Variants in RIMS3 observed in about 807,000 individuals in gnomAD.
RIMS3 encodes regulating synaptic membrane exocytosis 3, also known as regulating synaptic membrane exocytosis protein 3.
In RIMS3, 15 loss-of-function variants were observed where a neutral mutation model predicts 29.2. The ratio of observed to expected loss-of-function variants is 0.51; its 90% confidence interval spans 0.34 to 0.79. RIMS3 has a LOEUF of 0.79. RIMS3 is among the 30% of genes least tolerant of loss of function. The pLI is 0.01. For missense variants in RIMS3, 342 were observed against 421.4 expected, an observed-to-expected ratio of 0.81 and a Z score of 1.65; for synonymous variants, 161 against 170.1, an observed-to-expected ratio of 0.95 and a Z score of 0.41.
chr1:40,667,184 C>T (rs770005117), upstream of RIMS3, among the ~76,000 whole-genome samples: 8 of 152,182 alleles, frequency 5.3e-5, no homozygotes, highest in Non-Finnish European at 1.2e-4. Context: ...TGTGAAAAGC[C>T]TCAAAGTGCG....
rs538397273 is a variant in RIMS3 at position 40,623,254 on chromosome 1, T to C, written c.*3263A>G. ...GTGGTAGAAGAAACCAGATGGGGAGTCATTTTGGAGATGATTCTTCCCTGA... is the reference window on the plus strand; with the variant it reads ...GTGGTAGAAGAAACCAGATGGGGAGCCATTTTGGAGATGATTCTTCCCTGA... On this transcript the variant is annotated 3_prime_UTR_variant, in exon 8 of 8. Transcript: ENST00000372684. The C allele has an allele frequency of 9.8e-5, 39 of 396,476 alleles. No individual in the cohort carries two copies. In the Middle Eastern group the frequency reaches 1.9e-3, roughly 19 times the overall value. The allele number at this position is 396,476 out of a possible 1,614,324, so 24.6% of individuals were successfully genotyped here.
chr1:40,642,413 G>A (rs920098748), intron 2 of RIMS3, among the ~76,000 whole-genome samples: 1 of 152,146 alleles, frequency 6.6e-6, no homozygotes, highest in African/African-American at 2.4e-5. Flanking sequence ...AAGTATTGGT[G>A]GTTATTATTT....
In RIMS3 at chr1:40,629,253, AT is replaced by A; in HGVS notation, c.574+17del. 6.2e-7 allele frequency: 1 copy of A among 1,607,226 alleles called. No individual in the cohort carries two copies. On this transcript the variant is annotated intron_variant, in intron 6 of 7. Transcript: ENST00000372684. ...CTATGCCCCTCCCTGTCAGGACCCCATTTCCAAAATCCCTCACCTGGGAGGG... is the reference window on the plus strand; with the variant it reads ...CTATGCCCCTCCCTGTCAGGACCCCATTCCAAAATCCCTCACCTGGGAGGG...
At chr1:40,641,575 C>G (rs749011379) in intron 3 of RIMS3, 134 bp downstream of exon 3, 6 of 805,522 alleles carry the variant, frequency 7.4e-6, no homozygotes, top group Non-Finnish European at 1.2e-5. Flanking sequence ...TAGAACAGCA[C>G]CTGGTGTATG....
intron 1 of RIMS3, among the ~76,000 whole-genome samples, chr1:40,658,302 T>C (rs1050748089): frequency 6.6e-6 from 1 of 152,142 alleles, no homozygotes; most frequent in Non-Finnish European, 1.5e-5. Context: ...ATTTGACAGG[T>C]TCTTCAGAGC....
At chr1:40,666,744 GGA>G (rs1287672455), upstream of RIMS3, among the ~76,000 whole-genome samples, 1 of 152,142 alleles carries the variant, frequency 6.6e-6, no homozygotes, top group Non-Finnish European at 1.5e-5. Context: ...AATGTAAATG[GGA>G]GCTGGGTGCG....
intron 7 of RIMS3, among the ~76,000 whole-genome samples, chr1:40,628,531 A>G (rs947453969): frequency 1.3e-5 from 2 of 152,260 alleles, no homozygotes; most frequent in Non-Finnish European, 2.9e-5. Flanking sequence ...TGCAATGAAC[A>G]TTAGCACTAG....
chr1:40,643,066 A>G (rs571690672), intron 2 of RIMS3, among the ~76,000 whole-genome samples: 6 of 152,280 alleles, frequency 3.9e-5, no homozygotes, highest in African/African-American at 1.4e-4. Flanking sequence ...TAAGTATTTC[A>G]GTAGAGTTAC....
intron 1 of RIMS3, among the ~76,000 whole-genome samples, chr1:40,664,034 G>A (rs1415353606): frequency 6.6e-6 from 1 of 152,200 alleles, no homozygotes; most frequent in African/African-American, 2.4e-5. Flanking sequence ...CAGAGCTTGG[G>A]TTTGAAGCCA....
chr1:40,661,539 C>T (rs965988383), intron 1 of RIMS3, among the ~76,000 whole-genome samples: 4 of 152,156 alleles, frequency 2.6e-5, no homozygotes, highest in African/African-American at 9.7e-5. Context: ...CAGGGCCCTG[C>T]GTGACCACTG....
the RIMS3 span, among the ~76,000 whole-genome samples, chr1:40,685,934 G>T: frequency 3.3e-5 from 5 of 152,110 alleles, no homozygotes; most frequent in Non-Finnish European, 5.9e-5. Flanking sequence ...GATCACCTGA[G>T]GTCAGGAGTT....
intron 4 of RIMS3, among the ~76,000 whole-genome samples, chr1:40,634,815 C>T (rs1318131493): frequency 9.2e-5 from 14 of 151,990 alleles, no homozygotes; most frequent in Admixed American, 9.2e-4. Context: ...GTGGTGCACG[C>T]CTGTAATCAC....
At chr1:40,681,665 C>T in the RIMS3 span, 3 of 152,024 alleles carry the variant, frequency 2.0e-5, no homozygotes, top group Non-Finnish European at 4.4e-5. Context: ...CAAGGCCTTC[C>T]CCAGGCCATA....
At chr1:40,662,620 C>A (rs1270558976) in intron 1 of RIMS3, among the ~76,000 whole-genome samples, 2 of 152,150 alleles carry the variant, frequency 1.3e-5, no homozygotes, top group Admixed American at 6.5e-5. Flanking sequence ...TTCACTCCTC[C>A]CGGACCCTCC....
chr1:40,670,167 C>A (rs1444072964), upstream of RIMS3, among the ~76,000 whole-genome samples: 1 of 152,076 alleles, frequency 6.6e-6, no homozygotes, highest in African/African-American at 2.4e-5. Context: ...TTGATTCATT[C>A]AACAAATATC....
At chr1:40,666,293 AC>A (rs1642424870), upstream of RIMS3, among the ~76,000 whole-genome samples, 1 of 152,178 alleles carries the variant, frequency 6.6e-6, no homozygotes, top group African/African-American at 2.4e-5. Context: ...CCCCCAGGGA[AC>A]ATTCGACCAT....
Position 40,621,568 on chromosome 1 carries a change from A to G in RIMS3, c.*4949T>C, listed in dbSNP as rs575310175. ...AACCCTCATGTGCTCCAGATCAGAG[A>G]CTTTTAATTAAAACTGGGAGGGAAT... is the stretch of plus-strand genomic sequence containing the variant. On this transcript the variant is annotated 3_prime_UTR_variant, in exon 8 of 8. Transcript: ENST00000372684. The G allele has an allele frequency of 1.3e-5, 2 of 152,266 alleles. No individual in the cohort carries two copies. The highest frequency in any genetic ancestry group is 4.2e-4 in the South Asian group (2 of 4,814). The allele number at this position is 152,266 out of a possible 1,614,324, so 9.4% of individuals were successfully genotyped here. A position where few individuals can be genotyped will look rare whatever the true frequency, so the allele number is the denominator to read the frequency against.
At chr1:40,655,342 C>T (rs1197850827) in intron 1 of RIMS3, among the ~76,000 whole-genome samples, 3 of 152,052 alleles carry the variant, frequency 2.0e-5, no homozygotes, top group Non-Finnish European at 4.4e-5. Flanking sequence ...GTAGGGTATG[C>T]AGCCCCTACT....
the RIMS3 span, among the ~76,000 whole-genome samples, chr1:40,686,955 T>C: frequency 5.3e-5 from 8 of 151,630 alleles, no homozygotes; most frequent in Admixed American, 2.0e-4. Context: ...CCTTCTACCA[T>C]TGGGAATGTA....
Sources: gnomAD v4.1 joint callset for allele counts (sites outside exome capture counted in the v4.1 genomes callset) on GRCh38, gnomAD v4.1.1 for gene constraint, MANE v1.5 for transcripts, NCBI Gene and HGNC (gene_info 2026-07-23, HGNC 2026-07-21) for gene names.